PTPRD: variants seen among roughly 807,000 people sequenced by gnomAD.
The protein encoded by PTPRD is protein tyrosine phosphatase receptor type D.
Under a neutral mutation model 214.5 loss-of-function variants are expected in PTPRD, and 34 were observed. The ratio of observed to expected loss-of-function variants is 0.16; its 90% CI spans 0.12 to 0.21. The LOEUF (loss-of-function observed/expected upper bound fraction) is 0.21, where lower values mean the gene tolerates loss of function less well. PTPRD is among the 10% of genes least tolerant of loss of function. The pLI is 1.00. For missense variants in PTPRD, 2,545 were observed against 2,398.7 expected, an observed-to-expected ratio of 1.06 and a Z score of -1.27; for synonymous variants, 1,128 against 845.7, an observed-to-expected ratio of 1.33 and a Z score of -5.79.
intron 2 of PTPRD, among the ~76,000 whole-genome samples, chr9:10,457,904 A>G (rs2098930068): frequency 6.6e-6 from 1 of 152,102 alleles, no homozygotes. Flanking sequence ...AATGTAAAGG[A>G]TCATAAGGAA....
chr9:8,580,726 G>C (rs1021886361), intron 14 of PTPRD, among the ~76,000 whole-genome samples: 25 of 152,074 alleles, frequency 1.6e-4, no homozygotes, highest in Admixed American at 1.3e-3. Flanking sequence ...CAACAAAATA[G>C]GTATTATGGT....
chr9:8,355,400 A>G (rs1308755491), intron 39 of PTPRD, among the ~76,000 whole-genome samples: 1 of 146,964 alleles, frequency 6.8e-6, no homozygotes. Context: ...TGTCAGCTCT[A>G]TCTCTTTTAG....
Position 8,471,021 on chromosome 9 carries a change from T to A in PTPRD, c.3478A>T (p.Ser1160Cys). 6.2e-7 allele frequency: 1 copy of A among 1,613,328 alleles called. No individual in the cohort carries two copies. Among genetic ancestry groups the A allele is most frequent in the Non-Finnish European group, 8.5e-7 (1 of 1,179,410 alleles). The part of the protein sequence containing the change: ...SRGKFIKPWE[S>C]PDEMELDELL... ...TCATCTAATTCCATTTCATCTGGAC[T>A]CTCCCATGGCTTGATAAATTTCCCG... The change falls in exon 31 of 46, where the codon AGT (serine) becomes TGT (cysteine). Residue 1160 changes from serine (S) to cysteine (C), a missense_variant. Transcript: ENST00000381196.
intron 4 of PTPRD, among the ~76,000 whole-genome samples, chr9:10,008,647 T>G (rs1322869676): frequency 2.0e-5 from 3 of 151,762 alleles, no homozygotes; most frequent in Non-Finnish European, 4.4e-5. Flanking sequence ...CCTTCCTTAT[T>G]TCAAGTGTCT....
chr9:10,505,758 G>C (rs2045730363), intron 2 of PTPRD, among the ~76,000 whole-genome samples: 2 of 151,942 alleles, frequency 1.3e-5, no homozygotes, highest in South Asian at 2.1e-4. Flanking sequence ...TTTTAAGTGA[G>C]TATATGTCAT....
chr9:8,702,538 G>T (rs1387481674), intron 12 of PTPRD, among the ~76,000 whole-genome samples: 2 of 152,172 alleles, frequency 1.3e-5, no homozygotes, highest in Admixed American at 1.3e-4. Flanking sequence ...GGAGTTTTTT[G>T]ATAGACATCT....
intron 2 of PTPRD, among the ~76,000 whole-genome samples, chr9:10,441,973 G>A (rs533699915): frequency 1.9e-4 from 29 of 151,502 alleles, no homozygotes; most frequent in Admixed American, 3.3e-4. Context: ...TAAAAAAACT[G>A]GAGAAAAAAG....
intron 39 of PTPRD, among the ~76,000 whole-genome samples, chr9:8,362,580 T>C (rs916502531): frequency 6.6e-6 from 1 of 152,102 alleles, no homozygotes; most frequent in African/African-American, 2.4e-5. Flanking sequence ...AAGTGAGAGT[T>C]TAGGATGTGA....
chr9:9,292,702 A>T (rs1951593332), intron 9 of PTPRD, among the ~76,000 whole-genome samples: 2 of 151,432 alleles, frequency 1.3e-5, no homozygotes, highest in African/African-American at 4.8e-5. Flanking sequence ...ATACCACATT[A>T]TATTTAATAG....
intron 8 of PTPRD, among the ~76,000 whole-genome samples, chr9:9,509,949 G>T (rs1280229984): frequency 6.6e-6 from 1 of 151,460 alleles, no homozygotes; most frequent in Non-Finnish European, 1.5e-5. Flanking sequence ...TTTCCAACTG[G>T]CTGCCTGATA....
chr9:9,509,401 G>A (rs1249181994), intron 8 of PTPRD, among the ~76,000 whole-genome samples: 1 of 151,290 alleles, frequency 6.6e-6, no homozygotes, highest in Non-Finnish European at 1.5e-5. Context: ...AAACCAGCCA[G>A]CAAGCCTCCT....
chr9:8,396,417 A>G (rs12352293), intron 36 of PTPRD, among the ~76,000 whole-genome samples: 17,281 of 152,154 alleles, frequency 0.11, 1,971 homozygotes, highest in African/African-American at 0.3. Flanking sequence ...ACCTGTATCT[A>G]TATTCTAAAA....
intron 39 of PTPRD, among the ~76,000 whole-genome samples, chr9:8,360,829 C>A (rs118062847): frequency 0.012 from 1,845 of 152,216 alleles, 21 homozygotes; most frequent in Middle Eastern, 0.027. Context: ...CTATAAATTT[C>A]CTCTTGAAGG....
intron 2 of PTPRD, among the ~76,000 whole-genome samples, chr9:10,506,664 G>T (rs191151228): frequency 6.6e-6 from 1 of 151,938 alleles, no homozygotes; most frequent in African/African-American, 2.4e-5. Flanking sequence ...ATCTAATCCA[G>T]ACTACTACAA....
chr9:10,316,556 G>C lies in PTPRD; in HGVS notation c.-545+24407C>G, dbSNP rs1336604491. ...TGGTCTATATTTGCATTTTTGAATT[G>C]TGAATGATTTCATTTGGTCTTTTTC... On this transcript the variant is annotated intron_variant, in intron 3 of 45. Transcript: ENST00000381196. Among the ~76,000 whole-genome samples, 7 of 152,022 alleles carry C rather than the reference G, an allele frequency of 4.6e-5. No homozygotes were observed. The East Asian group carries it at 5.8e-4, about 13-fold the overall frequency.
At chr9:8,344,933 G>C (rs1234325433) in intron 39 of PTPRD, among the ~76,000 whole-genome samples, 1 of 49,320 alleles carries the variant, frequency 2.0e-5, no homozygotes, top group Non-Finnish European at 1.0e-4. Context: ...GGAAAAGGCA[G>C]TTACTTTCTA....
At chr9:9,015,815 C>G (rs1187644841) in intron 11 of PTPRD, among the ~76,000 whole-genome samples, 1 of 152,136 alleles carries the variant, frequency 6.6e-6, no homozygotes, top group Non-Finnish European at 1.5e-5. Flanking sequence ...ATAATAATTA[C>G]CATCTTCCCT....
chr9:10,219,023 G>A (rs1044878642), intron 3 of PTPRD, among the ~76,000 whole-genome samples: 6 of 151,728 alleles, frequency 4.0e-5, no homozygotes, highest in South Asian at 2.1e-4. Context: ...AAAACAAACC[G>A]AGGCACCACT....
chr9:8,479,019 C>T (rs2096826139), intron 30 of PTPRD, among the ~76,000 whole-genome samples: 1 of 152,152 alleles, frequency 6.6e-6, no homozygotes, highest in Non-Finnish European at 1.5e-5. Flanking sequence ...AAGTTAGCAA[C>T]CTGCCCACCG....
Sources: allele counts gnomAD v4.1 joint callset (sites outside exome capture counted in the v4.1 genomes callset), GRCh38; gene constraint gnomAD v4.1.1; transcripts MANE v1.5; gene names NCBI Gene and HGNC (gene_info 2026-07-23, HGNC 2026-07-21).